ANXA3: variants seen among roughly 807,000 people sequenced by gnomAD.
The protein encoded by ANXA3 is annexin A3.
Under a neutral mutation model 48.8 loss-of-function variants are expected in ANXA3, and 46 were observed. That is an observed-to-expected ratio of 0.94 (90% CI 0.74 to 1.21). The LOEUF (loss-of-function observed/expected upper bound fraction) is 1.21, where lower values mean the gene tolerates loss of function less well. Ranked by LOEUF, ANXA3 falls within the 50% of genes most tolerant of loss-of-function variation. The pLI is 0.00. For synonymous variants in ANXA3, 128 were observed against 134.7 expected, an observed-to-expected ratio of 0.95 and a Z score of 0.35; for missense variants, 383 against 378.6, an observed-to-expected ratio of 1.01 and a Z score of -0.10.
intron 3 of ANXA3, among the ~76,000 whole-genome samples, chr4:78,577,122 A>G (rs573400554): frequency 6.6e-6 from 1 of 152,318 alleles, no homozygotes; most frequent in East Asian, 1.9e-4. Context: ...TTGTATTTTT[A>G]AACATTTACT....
In ANXA3 at chr4:78,598,397, C is replaced by T. The variant is rs548578479; in HGVS notation, c.730+983C>T. On this transcript the variant is annotated intron_variant, in intron 10 of 12. Transcript: ENST00000264908. ...GACTCTGAATTGCTAAAAGATAAGC[C>T]GAGGAGGCTAAGAAAGGGAAAACTT... Among the ~76,000 whole-genome samples, 7 of 151,456 alleles carry T rather than the reference C, an allele frequency of 4.6e-5. No homozygotes were observed. In the East Asian group the frequency reaches 1.2e-3, roughly 25 times the overall value.
intron 5 of ANXA3, among the ~76,000 whole-genome samples, chr4:78,584,889 A>G (rs1038989021): frequency 6.6e-6 from 1 of 152,210 alleles, no homozygotes; most frequent in African/African-American, 2.4e-5. Flanking sequence ...GAGGAGAGGA[A>G]GTAGGCTGAG....
chr4:78,553,422 TG>T (rs1722441732), intron 1 of ANXA3, among the ~76,000 whole-genome samples: 1 of 152,214 alleles, frequency 6.6e-6, no homozygotes, highest in Admixed American at 6.5e-5. Flanking sequence ...CGTTCAATGC[TG>T]GCAACACCCC....
intron 12 of ANXA3, among the ~76,000 whole-genome samples, chr4:78,604,846 A>G (rs572273218): frequency 1.3e-5 from 2 of 152,218 alleles, no homozygotes; most frequent in Non-Finnish European, 2.9e-5. Context: ...TAACAGCTGT[A>G]TATCATTCCA....
chr4:78,591,769 C>A, intron 7 of ANXA3, 146 bp downstream of exon 7: 1 of 610,144 alleles, frequency 1.6e-6, no homozygotes. Flanking sequence ...TTTTCATTGC[C>A]ACCAAGCAAT....
intron 12 of ANXA3, among the ~76,000 whole-genome samples, chr4:78,607,757 T>C (rs1161610101): frequency 6.6e-6 from 1 of 152,082 alleles, no homozygotes; most frequent in Admixed American, 6.6e-5. Flanking sequence ...ACTATCGGAA[T>C]TGAGAAGAAA....
At chr4:78,608,883 T>C (rs1262485536) in intron 12 of ANXA3, among the ~76,000 whole-genome samples, 1 of 152,212 alleles carries the variant, frequency 6.6e-6, no homozygotes, top group African/African-American at 2.4e-5. Flanking sequence ...TACTTGGATG[T>C]ATTTTCTTGA....
intron 6 of ANXA3, among the ~76,000 whole-genome samples, chr4:78,589,456 C>T (rs1281886684): frequency 1.3e-5 from 2 of 152,130 alleles, no homozygotes; most frequent in Non-Finnish European, 2.9e-5. Flanking sequence ...CCCGAGGGAC[C>T]CAGTTATGTT....
In ANXA3 at chr4:78,603,963, C is replaced by T. The variant is rs1003857094; in HGVS notation, c.790-314C>T. 3.2e-5 allele frequency: 6 copies of T among 188,024 alleles called. No homozygotes were observed. In the South Asian group the frequency reaches 4.8e-4, roughly 15 times the overall value. 11.6% of individuals were successfully genotyped at this position (188,024 alleles called of 1,614,324 possible). On this transcript the variant is annotated intron_variant, in intron 11 of 12. Transcript: ENST00000264908. Reference sequence around the variant, plus strand: ...TTCTTAGGCCCCCCTGAAGTATGCTCCCATGGTACCCAATATTTTCAACAT... The same window carrying T: ...TTCTTAGGCCCCCCTGAAGTATGCTTCCATGGTACCCAATATTTTCAACAT...
chr4:78,605,237 G>A (rs891571710), intron 12 of ANXA3, among the ~76,000 whole-genome samples: 20 of 152,116 alleles, frequency 1.3e-4, no homozygotes, highest in African/African-American at 2.4e-4. Flanking sequence ...TCCTGGGCTC[G>A]AGCAGTCCTC....
intron 7 of ANXA3, among the ~76,000 whole-genome samples, chr4:78,592,917 G>A (rs1247593852): frequency 6.6e-6 from 1 of 152,122 alleles, no homozygotes; most frequent in Non-Finnish European, 1.5e-5. Flanking sequence ...CAGCAGCACA[G>A]AAAAGAAACC....
intron 11 of ANXA3, 117 bp downstream of exon 11, chr4:78,601,685 A>C: frequency 2.3e-6 from 2 of 858,360 alleles, no homozygotes; most frequent in Non-Finnish European, 1.8e-6. Context: ...AAACATTTTA[A>C]GATAAATTAT....
At chr4:78,556,410 C>T (rs189492668) in intron 2 of ANXA3, among the ~76,000 whole-genome samples, 5 of 151,492 alleles carry the variant, frequency 3.3e-5, no homozygotes, top group African/African-American at 4.9e-5. Context: ...AAAAAATTTA[C>T]GGAAAGACTA....
intron 4 of ANXA3, among the ~76,000 whole-genome samples, chr4:78,580,508 G>A (rs917374253): frequency 5.3e-5 from 8 of 152,190 alleles, no homozygotes; most frequent in Non-Finnish European, 1.2e-4. Context: ...ACCACTGGAG[G>A]TTTGTAAGCA....
chr4:78,582,835 A>C (rs1723100214), intron 5 of ANXA3, among the ~76,000 whole-genome samples: 2 of 152,206 alleles, frequency 1.3e-5, no homozygotes, highest in African/African-American at 4.8e-5. Flanking sequence ...AATTATTTTT[A>C]TTAATTTATT....
chr4:78,604,250 G>A (rs5942), intron 11 of ANXA3, 27 bp from the exon 12 acceptor site: 108,933 of 1,579,212 alleles, frequency 0.069, 7,309 homozygotes, highest in East Asian at 0.32. Context: ...TGACATTTGT[G>A]TTGTGAACAC....
chr4:78,601,608 A>G lies in ANXA3; in HGVS notation c.789+40A>G, dbSNP rs775214740. On this transcript the variant is annotated intron_variant, in intron 11 of 12. Transcript: ENST00000264908. The stretch of plus-strand genomic sequence containing the variant: ...TTCATGTGCATTCTTAGCGTCCCTT[A>G]ATTCCCTTGGGAAAGTATGCAAATA... 3 of 1,555,066 alleles carry G rather than the reference A, an allele frequency of 1.9e-6. No individual in the cohort carries two copies. The Admixed American group carries it at 5.0e-5, about 26-fold the overall frequency.
chr4:78,600,550 T>G (rs1723513846), intron 10 of ANXA3, among the ~76,000 whole-genome samples: 1 of 152,224 alleles, frequency 6.6e-6, no homozygotes, highest in African/African-American at 2.4e-5. Context: ...GAGAACTTCA[T>G]GTAACAGTTT....
intron 3 of ANXA3, 28 bp from the exon 4 acceptor site, chr4:78,578,999 T>C: frequency 6.7e-7 from 1 of 1,482,444 alleles, no homozygotes; most frequent in Non-Finnish European, 9.4e-7. Context: ...GCATAAATAT[T>C]GAGTAAAATA....
Sources: gnomAD v4.1 joint callset for allele counts (sites outside exome capture counted in the v4.1 genomes callset) on GRCh38, gnomAD v4.1.1 for gene constraint, MANE v1.5 for transcripts, NCBI Gene and HGNC (gene_info 2026-07-23, HGNC 2026-07-21) for gene names.